The following DPP6 variants were observed in gnomAD, a reference collection of about 807,000 sequenced individuals.
DPP6 encodes the protein dipeptidyl peptidase like 6.
DPP6 carries 69 observed loss-of-function variants against 122.6 expected under a neutral mutation model. The observed-to-expected ratio is 0.56, with a 90% CI of 0.46 to 0.69. The LOEUF is 0.69. Ranked by LOEUF, DPP6 falls within the 30% of genes least tolerant of loss-of-function variation. The pLI, the probability that DPP6 is intolerant of heterozygous loss-of-function variation, is 0.00. For missense variants in DPP6, 928 were observed against 1,116.9 expected, an observed-to-expected ratio of 0.83 and a Z score of 2.41; for synonymous variants, 418 against 433.1, an observed-to-expected ratio of 0.97 and a Z score of 0.43.
chr7:153,980,353 C>T (rs975051047), intron 1 of DPP6, among the ~76,000 whole-genome samples: 3 of 152,084 alleles, frequency 2.0e-5, no homozygotes, highest in Non-Finnish European at 2.9e-5. Context: ...ATAATATTCT[C>T]TGATGGTAGT....
chr7:154,497,608 C>G (rs1824860619), intron 3 of DPP6, among the ~76,000 whole-genome samples: 1 of 128,098 alleles, frequency 7.8e-6, no homozygotes. Context: ...GACTCCATCT[C>G]CAAAAAAAGA....
At chr7:154,062,743 CT>C (rs1277742726) in intron 1 of DPP6, among the ~76,000 whole-genome samples, 1 of 71,194 alleles carries the variant, frequency 1.4e-5, no homozygotes, top group East Asian at 4.4e-4. Flanking sequence ...GGGAGGCACC[CT>C]CCGCGAGGCA....
intron 1 of DPP6, among the ~76,000 whole-genome samples, chr7:153,920,818 C>T (rs1800605077): frequency 6.6e-6 from 1 of 152,048 alleles, no homozygotes; most frequent in Non-Finnish European, 1.5e-5. Flanking sequence ...CTCAGCCTCC[C>T]AAAGTGCTGG....
chr7:153,940,947 T>C (rs535878368), intron 1 of DPP6, among the ~76,000 whole-genome samples: 1 of 152,160 alleles, frequency 6.6e-6, no homozygotes, highest in Non-Finnish European at 1.5e-5. Context: ...TAGACATTGG[T>C]GCTCCCATCT....
chr7:154,662,032 T>C (rs1348135195), intron 6 of DPP6, among the ~76,000 whole-genome samples: 1 of 150,320 alleles, frequency 6.7e-6, no homozygotes, highest in South Asian at 2.1e-4. Context: ...ATATTGGCCA[T>C]AGTGTTCATA....
At chr7:154,197,120 G>A (rs1452265061) in intron 1 of DPP6, among the ~76,000 whole-genome samples, 1 of 151,958 alleles carries the variant, frequency 6.6e-6, no homozygotes, top group Admixed American at 6.6e-5. Context: ...GGTATAATTA[G>A]ATGGTGTATA....
Position 154,872,660 on chromosome 7 carries a change from C to T in DPP6, c.1850C>T (p.Thr617Ile). The change falls in exon 19 of 26, where the codon ACC becomes ATC. Residue 617 changes from threonine to isoleucine, a missense_variant. Physicochemically the swap from Thr to Ile is moderately conservative, Grantham distance 89. Coordinates refer to ENST00000377770, the MANE Select transcript of DPP6 (RefSeq NM_130797.4). ...CAGATACTGAAGCCAGCAACCTTCACCGACACCACCCACTACCCTCTGCTC... is the reference window on the plus strand; with the variant it reads ...CAGATACTGAAGCCAGCAACCTTCATCGACACCACCCACTACCCTCTGCTC... ...PMQILKPATF[T>I]DTTHYPLLLV... 2 of 1,601,968 alleles carry T rather than the reference C, an allele frequency of 1.2e-6. No individual in the cohort carries two copies. Among genetic ancestry groups the T allele is most frequent in the African/African-American group, 1.3e-5 (1 of 74,820 alleles).
At chr7:154,598,012 C>T (rs1047615910) in intron 5 of DPP6, among the ~76,000 whole-genome samples, 8 of 152,130 alleles carry the variant, frequency 5.3e-5, no homozygotes, top group Non-Finnish European at 8.8e-5. Context: ...CTCCACCTCC[C>T]AATAAAGTCC....
intron 1 of DPP6, among the ~76,000 whole-genome samples, chr7:154,124,420 G>A (rs1807727943): frequency 6.6e-6 from 1 of 152,152 alleles, no homozygotes; most frequent in South Asian, 2.1e-4. Context: ...GCTTGTCATG[G>A]GACATGTAAG....
At chr7:153,997,081 A>G (rs958892134) in intron 1 of DPP6, among the ~76,000 whole-genome samples, 2 of 151,846 alleles carry the variant, frequency 1.3e-5, no homozygotes, top group African/African-American at 4.8e-5. Flanking sequence ...CTACTTCAGG[A>G]TGTCTGAATA....
At chr7:154,062,975 A>G (rs1802227253) in intron 1 of DPP6, among the ~76,000 whole-genome samples, 1 of 129,756 alleles carries the variant, frequency 7.7e-6, no homozygotes, top group Non-Finnish European at 1.7e-5. Flanking sequence ...CAGGTACCTT[A>G]CGTGGAATTA....
chr7:154,321,697 A>C (rs935920428), intron 1 of DPP6, among the ~76,000 whole-genome samples: 3 of 147,076 alleles, frequency 2.0e-5, no homozygotes, highest in Non-Finnish European at 4.5e-5. Context: ...AGGCAGGAGG[A>C]TCGCTTGAAC....
At chr7:154,709,459 A>C (rs1024481273) in intron 7 of DPP6, among the ~76,000 whole-genome samples, 2 of 152,134 alleles carry the variant, frequency 1.3e-5, no homozygotes, top group African/African-American at 4.8e-5. Flanking sequence ...GCCTCAAGTA[A>C]TCCTCCCACC....
chr7:154,682,021 G>A (rs996169400), intron 7 of DPP6, among the ~76,000 whole-genome samples: 3 of 152,190 alleles, frequency 2.0e-5, no homozygotes, highest in Admixed American at 6.5e-5. Context: ...TGAAATGAAT[G>A]CCATCCAGAA....
chr7:153,886,066 A>AC (rs1798898516), upstream of DPP6, among the ~76,000 whole-genome samples: 1 of 150,106 alleles, frequency 6.7e-6, no homozygotes, highest in East Asian at 2.0e-4. Context: ...CCCCTCCCAG[A>AC]CTCCAGCTCC....
intron 16 of DPP6, among the ~76,000 whole-genome samples, chr7:154,817,394 T>G (rs905831341): frequency 2.0e-5 from 3 of 152,024 alleles, no homozygotes; most frequent in Non-Finnish European, 4.4e-5. Flanking sequence ...GTCATTAACA[T>G]CATGAGTGAT....
the DPP6 span, among the ~76,000 whole-genome samples, chr7:153,871,955 G>C: frequency 6.6e-6 from 1 of 152,148 alleles, no homozygotes; most frequent in African/African-American, 2.4e-5. Flanking sequence ...ATGGACTGCA[G>C]GGTGACAAAA....
At chr7:154,717,926 T>C (rs1841583339) in intron 7 of DPP6, among the ~76,000 whole-genome samples, 1 of 152,348 alleles carries the variant, frequency 6.6e-6, no homozygotes, top group East Asian at 1.9e-4. Context: ...AATTTTTGTC[T>C]TTCTGATAAC....
chr7:153,895,576 C>G (rs893739052), intron 1 of DPP6, among the ~76,000 whole-genome samples: 3 of 152,182 alleles, frequency 2.0e-5, no homozygotes, highest in African/African-American at 7.2e-5. Flanking sequence ...TCTCAGCAAG[C>G]ATGCCACTGT....
Sources: allele counts gnomAD v4.1 joint callset (sites outside exome capture counted in the v4.1 genomes callset), GRCh38; gene constraint gnomAD v4.1.1; transcripts MANE v1.5; gene names NCBI Gene and HGNC (gene_info 2026-07-23, HGNC 2026-07-21).